Variants in PSMD1 observed in about 807,000 individuals in gnomAD.
PSMD1 encodes proteasome 26S subunit, non-ATPase 1.
Under a neutral mutation model 119.0 loss-of-function variants are expected in PSMD1, and 18 were observed. That is an observed-to-expected ratio of 0.15 (90% CI 0.10 to 0.22). The LOEUF (loss-of-function observed/expected upper bound fraction) is 0.22. Among genes scored for constraint, PSMD1 ranks in the 10% least tolerant of loss-of-function variants. The probability of loss-of-function intolerance (pLI) is 1.00; values close to 1 mark genes in which losing one functional copy is unlikely to be tolerated. For missense variants in PSMD1, 702 were observed against 1,158.5 expected (o/e 0.61, Z 5.72); for synonymous variants, 374 against 396.6 (o/e 0.94, Z 0.68).
intron 21 of PSMD1, 39 bp from the exon 22 acceptor site, chr2:231,165,161 G>T: frequency 6.6e-7 from 1 of 1,521,520 alleles, no homozygotes. Context: ...TTGTATGTCA[G>T]TAAGGGATTA....
rs1035494738 is a variant in PSMD1, at chr2:231,056,923, C to T, written c.-103C>T. 2.2e-5 allele frequency: 33 copies of T among 1,473,138 alleles called. No homozygotes were observed. Among genetic ancestry groups the T allele is most frequent in the East Asian group, 1.0e-4 (4 of 38,940 alleles). The allele number at this position is 1,473,138 out of a possible 1,614,324, so 91.3% of individuals were successfully genotyped here. ...GAGGCGACTGACTGAGCAGCGCACCCGGGGAGCAAGGAGGCGCGGTGAACT... is the reference window on the plus strand; with the variant it reads ...GAGGCGACTGACTGAGCAGCGCACCTGGGGAGCAAGGAGGCGCGGTGAACT... On this transcript the variant is annotated 5_prime_UTR_variant, in exon 1 of 25. Transcript: ENST00000308696.
chr2:231,068,910 C>T (rs182467171), intron 5 of PSMD1, among the ~76,000 whole-genome samples: 57 of 152,192 alleles, frequency 3.7e-4, no homozygotes, highest in South Asian at 2.1e-4. Context: ...GCTGAGGCTG[C>T]GCTGAGATGT....
chr2:231,084,170 G>A (rs569093427), intron 14 of PSMD1, among the ~76,000 whole-genome samples: 1 of 152,170 alleles, frequency 6.6e-6, no homozygotes, highest in South Asian at 2.1e-4. Context: ...CCAACATGGT[G>A]AAACCCTGTC....
At chr2:231,118,846 T>G (rs1209166533) in intron 16 of PSMD1, among the ~76,000 whole-genome samples, 1 of 152,186 alleles carries the variant, frequency 6.6e-6, no homozygotes, top group African/African-American at 2.4e-5. Context: ...TTCCTATAGT[T>G]TACAGAGGTA....
chr2:231,081,435 A>G (rs147175371), intron 12 of PSMD1, among the ~76,000 whole-genome samples: 4 of 152,370 alleles, frequency 2.6e-5, no homozygotes, highest in Admixed American at 1.3e-4. Flanking sequence ...GTTCTCACAA[A>G]GGTTAAAGAG....
At chr2:231,150,933 T>C (rs1397312833) in intron 18 of PSMD1, among the ~76,000 whole-genome samples, 1 of 152,186 alleles carries the variant, frequency 6.6e-6, no homozygotes, top group Admixed American at 6.5e-5. Context: ...TAAGGAACTT[T>C]ATTGCTTTCT....
At chr2:231,114,368 T>A (rs899674811) in intron 16 of PSMD1, among the ~76,000 whole-genome samples, 2 of 152,228 alleles carry the variant, frequency 1.3e-5, no homozygotes, top group African/African-American at 4.8e-5. Context: ...CGTATTAGAA[T>A]GGGAGTCTCT....
At chr2:231,105,808 A>G (rs1030644011) in intron 16 of PSMD1, among the ~76,000 whole-genome samples, 5 of 152,146 alleles carry the variant, frequency 3.3e-5, no homozygotes, top group African/African-American at 1.2e-4. Context: ...TAACACTAAC[A>G]CTAACTTCAT....
At chr2:231,151,803 A>ATTT (rs57347945) in intron 18 of PSMD1, among the ~76,000 whole-genome samples, 15 of 95,634 alleles carry the variant, frequency 1.6e-4, no homozygotes, top group African/African-American at 3.6e-4. Context: ...AAACATGAGA[A>ATTT]TTTTTTTTTT....
At chr2:231,058,023 G>A (rs899051214) in intron 1 of PSMD1, among the ~76,000 whole-genome samples, 1 of 152,226 alleles carries the variant, frequency 6.6e-6, no homozygotes, top group Non-Finnish European at 1.5e-5. Context: ...ATGAGGATTG[G>A]TTAAGGAGAT....
intron 15 of PSMD1, among the ~76,000 whole-genome samples, chr2:231,085,343 G>A (rs1315181879): frequency 2.0e-5 from 3 of 152,212 alleles, no homozygotes; most frequent in Non-Finnish European, 4.4e-5. Flanking sequence ...AGTCCTTAAA[G>A]CCATTCAGGT....
chr2:231,108,692 T>C, intron 16 of PSMD1: 1 of 1,614,106 alleles, frequency 6.2e-7, no homozygotes, highest in Non-Finnish European at 8.5e-7. Context: ...AAACTTAGAG[T>C]TCTCTGCCAT....
chr2:231,125,695 G>A (rs1351169304), intron 16 of PSMD1, among the ~76,000 whole-genome samples: 2 of 152,146 alleles, frequency 1.3e-5, no homozygotes, highest in Admixed American at 6.5e-5. Flanking sequence ...ATGAAAATAC[G>A]TTTTTGCCTT....
intron 16 of PSMD1, among the ~76,000 whole-genome samples, chr2:231,098,447 T>C (rs1414161607): frequency 2.0e-5 from 3 of 150,628 alleles, no homozygotes; most frequent in Non-Finnish European, 4.4e-5. Flanking sequence ...CTCTGTCTCT[T>C]TCTCTCTCTC....
At position 231,168,809 on chromosome 2, in the gene PSMD1, AAAAG is replaced by A. The variant is rs573633790; in HGVS notation, c.2716-1753_2716-1750del. On this transcript the variant is annotated intron_variant, in intron 23 of 24. Coordinates refer to ENST00000308696, the MANE Select transcript of PSMD1 (RefSeq NM_002807.4). Reference sequence around the variant, plus strand: ...TTTATGTTAATATATCTCATTTTAAAAAAGAAAACACTGCCTCTGTGTATGTGCA... The same window carrying A: ...TTTATGTTAATATATCTCATTTTAAAAAAACACTGCCTCTGTGTATGTGCA... 3.4e-3 allele frequency among the ~76,000 whole-genome samples: 511 copies of A among 152,352 alleles called. 3 individuals carry two copies. Among genetic ancestry groups the A allele is most frequent in the African/African-American group, 0.012 (479 of 41,584 alleles).
At chr2:231,104,452 G>A (rs1173905754) in intron 16 of PSMD1, among the ~76,000 whole-genome samples, 1 of 151,830 alleles carries the variant, frequency 6.6e-6, no homozygotes, top group African/African-American at 2.4e-5. Context: ...TTTAAGAAGT[G>A]GGAACTGGAA....
intron 16 of PSMD1, among the ~76,000 whole-genome samples, chr2:231,114,853 A>C (rs1255181762): frequency 6.6e-6 from 1 of 152,208 alleles, no homozygotes; most frequent in Non-Finnish European, 1.5e-5. Context: ...ACCACTTAAC[A>C]TGTTTACAGT....
chr2:231,064,903 C>T (rs1001723883), intron 4 of PSMD1, among the ~76,000 whole-genome samples: 2 of 119,064 alleles, frequency 1.7e-5, no homozygotes, highest in Non-Finnish European at 3.3e-5. Context: ...CTCAAGTGAT[C>T]CACTTGCCTC....
At chr2:231,152,836 T>TAAA (rs1475000647) in intron 18 of PSMD1, among the ~76,000 whole-genome samples, 1 of 152,234 alleles carries the variant, frequency 6.6e-6, no homozygotes, top group Non-Finnish European at 1.5e-5. Context: ...AAGCATAAAA[T>TAAA]AGTTTACTTA....
Sources: gnomAD v4.1 joint callset for allele counts (sites outside exome capture counted in the v4.1 genomes callset) on GRCh38, gnomAD v4.1.1 for gene constraint, MANE v1.5 for transcripts, NCBI Gene and HGNC (gene_info 2026-07-23, HGNC 2026-07-21) for gene names.